Variants in IGSF10 observed in about 807,000 individuals in gnomAD.
IGSF10 encodes immunoglobulin superfamily member 10.
A neutral mutation model predicts 128.2 loss-of-function variants in IGSF10; 126 were observed. The observed-to-expected ratio is 0.98, with a 90% CI of 0.85 to 1.14. The LOEUF (loss-of-function observed/expected upper bound fraction) is 1.14, where lower values mean the gene tolerates loss of function less well. IGSF10 is among the 50% of genes most tolerant of loss of function. IGSF10 has a pLI of 0.00. For synonymous variants in IGSF10, 1,185 were observed against 1,146.2 expected, an observed-to-expected ratio of 1.03 and a Z score of -0.68; for missense variants, 3,295 against 3,149.8, an observed-to-expected ratio of 1.05 and a Z score of -1.10.
the IGSF10 span, among the ~76,000 whole-genome samples, chr3:151,581,598 CTT>C: frequency 5.7e-4 from 87 of 152,302 alleles, no homozygotes; most frequent in Non-Finnish European, 1.1e-3. Flanking sequence ...AAAGTTTGCA[CTT>C]TTTCTTCCCA....
chr3:151,613,349 A>C, the IGSF10 span, among the ~76,000 whole-genome samples: 1 of 152,196 alleles, frequency 6.6e-6, no homozygotes, highest in African/African-American at 2.4e-5. Flanking sequence ...GAACCAAAAA[A>C]AGAGCCCGCA....
chr3:151,460,790 C>T (rs1029421125), intron 1 of IGSF10, among the ~76,000 whole-genome samples, 156 bp downstream of exon 1: 1 of 152,042 alleles, frequency 6.6e-6, no homozygotes. Context: ...TTTCATGCCC[C>T]CACCTTCTCC....
the IGSF10 span, among the ~76,000 whole-genome samples, chr3:151,554,132 T>TCACACACACACACA: frequency 6.8e-6 from 1 of 147,334 alleles, no homozygotes. Flanking sequence ...CAGAGTGAGA[T>TCACACACACACACA]CACACACACA....
At chr3:151,605,949 C>A in the IGSF10 span, among the ~76,000 whole-genome samples, 4 of 152,168 alleles carry the variant, frequency 2.6e-5, no homozygotes, top group Non-Finnish European at 4.4e-5. Context: ...TAGATCTCAG[C>A]TGGAGCTTCA....
the IGSF10 span, among the ~76,000 whole-genome samples, chr3:151,520,270 A>T: frequency 6.6e-6 from 1 of 151,888 alleles, no homozygotes; most frequent in African/African-American, 2.4e-5. Context: ...TGCAGAGGTC[A>T]TAACTGTTAA....
At chr3:151,597,289 C>T in the IGSF10 span, among the ~76,000 whole-genome samples, 1 of 152,124 alleles carries the variant, frequency 6.6e-6, no homozygotes, top group African/African-American at 2.4e-5. Context: ...TAAATAATCA[C>T]CCAAATGTCT....
At chr3:151,564,598 AC>A in the IGSF10 span, among the ~76,000 whole-genome samples, 1 of 152,120 alleles carries the variant, frequency 6.6e-6, no homozygotes, top group Non-Finnish European at 1.5e-5. Flanking sequence ...GAAGTGGCTG[AC>A]CTTTTAGATG....
chr3:151,509,509 G>T, the IGSF10 span, among the ~76,000 whole-genome samples: 1 of 152,210 alleles, frequency 6.6e-6, no homozygotes, highest in Non-Finnish European at 1.5e-5. Context: ...AGCCAAGATG[G>T]CTAAATAGGA....
the IGSF10 span, among the ~76,000 whole-genome samples, chr3:151,515,767 ACTT>A: frequency 8.7e-5 from 13 of 150,024 alleles, 1 homozygote; most frequent in African/African-American, 2.9e-4. Flanking sequence ...GTGTATGGTG[ACTT>A]CTTAATTGCT....
downstream of IGSF10, chr3:151,434,278 TTATC>T (rs1406441111): frequency 3.3e-5 from 5 of 152,348 alleles, no homozygotes; most frequent in East Asian, 9.6e-4. Flanking sequence ...TTGCAAATCA[TTATC>T]TATAAATAAT....
rs771352318 is a variant in IGSF10 at position 151,438,344 on chromosome 3, T to G, written c.6217A>C (p.Ser2073Arg). The G allele has an allele frequency of 5.0e-6, 8 of 1,614,074 alleles. No homozygotes were observed. Among genetic ancestry groups the G allele is most frequent in the Non-Finnish European group, 6.8e-6 (8 of 1,180,020 alleles). ...TTGATCATGGTTCCATCAGGCAAACTCCAAGATATCTCTGGCACTGGGGAG... is the reference window on the plus strand; with the variant it reads ...TTGATCATGGTTCCATCAGGCAAACGCCAAGATATCTCTGGCACTGGGGAG... ...SGSPVPEISW[S>R]LPDGTMINNA... The change falls in exon 8 of 8, where the codon AGT (serine) becomes CGT (arginine). Residue 2073 changes from serine to arginine, a missense_variant. Transcript: ENST00000282466.
At chr3:151,502,709 G>A in the IGSF10 span, among the ~76,000 whole-genome samples, 1 of 151,718 alleles carries the variant, frequency 6.6e-6, no homozygotes, top group Non-Finnish European at 1.5e-5. Context: ...TTCCAGTTTT[G>A]GCAGGCTTGG....
the IGSF10 span, among the ~76,000 whole-genome samples, chr3:151,531,423 A>G: frequency 0.017 from 2,658 of 152,270 alleles, 55 homozygotes; most frequent in Non-Finnish European, 0.02. Context: ...AAAACTGAAC[A>G]CATAATTGGA....
chr3:151,570,947 A>C, the IGSF10 span, among the ~76,000 whole-genome samples: 527 of 152,302 alleles, frequency 3.5e-3, 3 homozygotes, highest in African/African-American at 0.012. Context: ...TCAGCTTTCT[A>C]CATATGGCTA....
the IGSF10 span, among the ~76,000 whole-genome samples, chr3:151,538,550 T>C: frequency 6.6e-6 from 1 of 151,976 alleles, no homozygotes; most frequent in Non-Finnish European, 1.5e-5. Context: ...CATTGGAATA[T>C]AAAAGTGAGA....
chr3:151,443,755 G>C lies in IGSF10; in HGVS notation c.5192C>G (p.Thr1731Arg). The C allele has an allele frequency of 6.2e-7, 1 of 1,614,194 alleles. No homozygotes were observed. Among genetic ancestry groups the C allele is most frequent in the Non-Finnish European group, 8.5e-7 (1 of 1,180,038 alleles). ...YLCSASNLFG[T>R]DHLHVTLSVV... ...AGACAAGGTGACATGAAGGTGGTCT[G>C]TGCCAAACAGATTGGATGCGGAACA... Residue 1731 changes from threonine (T) to arginine (R), a missense_variant, in exon 7 of 8, where the codon ACA becomes AGA. Thr to Arg is a moderately conservative substitution (Grantham distance 71). Transcript: ENST00000282466.
the IGSF10 span, among the ~76,000 whole-genome samples, chr3:151,608,017 T>C: frequency 6.6e-6 from 1 of 151,062 alleles, no homozygotes; most frequent in Non-Finnish European, 1.5e-5. Flanking sequence ...GAGAAAAAAG[T>C]TGAGAACTAT....
chr3:151,448,804 A>C lies in IGSF10; in HGVS notation c.1177T>G (p.Leu393Val). The C allele has an allele frequency of 2.5e-6, 4 of 1,613,506 alleles. No individual in the cohort carries two copies. The highest frequency in any genetic ancestry group is 3.4e-6 in the Non-Finnish European group (4 of 1,179,410). ...TAGAGCTGCGGTGTTTCACTAAGCA[A>C]GTGGCTCCTTTCTAGTATCAGAGGA... ...DSPLILERSH[L>V]LSETPQLYYK... Residue 393 changes from leucine (L) to valine (V), a missense_variant, in exon 6 of 8, where the codon TTG becomes GTG. Physicochemically the swap from Leu to Val is conservative, Grantham distance 32. Transcript: ENST00000282466.
chr3:151,559,868 C>T, the IGSF10 span, among the ~76,000 whole-genome samples: 1 of 152,050 alleles, frequency 6.6e-6, no homozygotes, highest in African/African-American at 2.4e-5. Context: ...GGAGCAGTTC[C>T]AACGTGATGA....
Sources: gnomAD v4.1 joint callset for allele counts (sites outside exome capture counted in the v4.1 genomes callset) on GRCh38, gnomAD v4.1.1 for gene constraint, MANE v1.5 for transcripts, NCBI Gene and HGNC (gene_info 2026-07-23, HGNC 2026-07-21) for gene names.